The following PHF2 variants were observed in gnomAD, a reference collection of about 807,000 sequenced individuals.
The protein encoded by PHF2 is PHD finger protein 2.
Under a neutral mutation model 120.5 loss-of-function variants are expected in PHF2, and 27 were observed. The ratio of observed to expected loss-of-function variants is 0.22; its 90% CI spans 0.17 to 0.31. The LOEUF is 0.31. PHF2 is among the 10% of genes least tolerant of loss of function. PHF2 has a pLI of 1.00. For missense variants in PHF2, 1,024 were observed against 1,434.8 expected (o/e 0.71, Z 4.63); for synonymous variants, 568 against 592.5 (o/e 0.96, Z 0.60).
At chr9:93,659,156 C>T (rs1041276434) in intron 10 of PHF2, among the ~76,000 whole-genome samples, 2 of 152,242 alleles carry the variant, frequency 1.3e-5, no homozygotes, top group Admixed American at 1.3e-4. Flanking sequence ...GCAGCCACCA[C>T]CTCCGTCAGG....
At chr9:93,620,124 C>T (rs1165995348) in intron 1 of PHF2, among the ~76,000 whole-genome samples, 5 of 152,328 alleles carry the variant, frequency 3.3e-5, no homozygotes, top group East Asian at 3.9e-4. Context: ...GGGTGGGCTC[C>T]CGGGACAGAC....
chr9:93,604,528 G>A lies in PHF2; in HGVS notation c.99-25442G>A, dbSNP rs1263948013. 5.5e-4 allele frequency among the ~76,000 whole-genome samples: 83 copies of A among 150,838 alleles called. 2 individuals carry two copies. Among genetic ancestry groups the A allele is most frequent in the Admixed American group, 5.0e-3 (76 of 15,124 alleles). On this transcript the variant is annotated intron_variant, in intron 1 of 21. Transcript: ENST00000359246. ...CGCCCAGGCTGGAGTGCAGTGGCGCGATCTCGGCTCACTGCAAGCTCCGCC... is the reference window on the plus strand; with the variant it reads ...CGCCCAGGCTGGAGTGCAGTGGCGCAATCTCGGCTCACTGCAAGCTCCGCC...
chr9:93,656,077 A>G lies in PHF2; in HGVS notation c.1040+56A>G, dbSNP rs1029230375. On this transcript the variant is annotated intron_variant, in intron 8 of 21. Coordinates refer to ENST00000359246, the MANE Select transcript of PHF2 (RefSeq NM_005392.4). This position sits in a 1 kb window ranked among gnomAD's most constrained non-coding sequence, Gnocchi z 4.1. Reference sequence around the variant, plus strand: ...CTCCGCAGAGCAGCGTCCTCCCTCTAGCTGGGTCGGTGCTAGATGCCTTGG... The same window carrying G: ...CTCCGCAGAGCAGCGTCCTCCCTCTGGCTGGGTCGGTGCTAGATGCCTTGG... 6.1e-6 allele frequency: 9 copies of G among 1,471,118 alleles called. No homozygotes were observed. Among genetic ancestry groups the G allele is most frequent in the Non-Finnish European group, 7.5e-6 (8 of 1,069,894 alleles). The allele number at this position is 1,471,118 out of a possible 1,614,324, so 91.1% of individuals were successfully genotyped here.
intron 7 of PHF2, among the ~76,000 whole-genome samples, chr9:93,655,480 C>T (rs1457940211): frequency 3.9e-5 from 6 of 152,206 alleles, no homozygotes; most frequent in African/African-American, 1.2e-4. Flanking sequence ...GGACCAGTCC[C>T]AGCTGCGATG....
Position 93,660,463 on chromosome 9 carries a change from C to T in PHF2, c.1601C>T (p.Ser534Phe), listed in dbSNP as rs763623237. ...KDGGKKKGKK[S>F]RESASPTIPN... The stretch of plus-strand genomic sequence containing the variant: ...GGAGGCAAGAAGAAAGGGAAGAAGT[C>T]CCGGGAGTCAGCCTCACCCACCATC... The change falls in exon 12 of 22, where the codon TCC (serine) becomes TTC (phenylalanine). Residue 534 changes from serine to phenylalanine, a missense_variant. Coordinates refer to ENST00000359246, the MANE Select transcript of PHF2 (RefSeq NM_005392.4). 2 of 1,565,156 alleles carry T rather than the reference C, an allele frequency of 1.3e-6. No homozygotes were observed. Among genetic ancestry groups the T allele is most frequent in the Non-Finnish European group, 8.6e-7 (1 of 1,156,148 alleles).
chr9:93,592,618 G>A (rs888740759), intron 1 of PHF2, among the ~76,000 whole-genome samples: 3 of 152,158 alleles, frequency 2.0e-5, no homozygotes, highest in Non-Finnish European at 2.9e-5. Flanking sequence ...TCTTTCCCGA[G>A]CCAAAGCGTG....
chr9:93,669,451 G>C (rs1195878488), intron 17 of PHF2, among the ~76,000 whole-genome samples: 3 of 152,246 alleles, frequency 2.0e-5, no homozygotes. Context: ...CACTGTGGGG[G>C]CAGCTCCCGG....
intron 3 of PHF2, among the ~76,000 whole-genome samples, chr9:93,644,156 G>A (rs1387813629): frequency 1.6e-4 from 25 of 152,166 alleles, no homozygotes; most frequent in African/African-American, 2.4e-5. Flanking sequence ...GAAGGCCGAG[G>A]TGGGTGGATC....
chr9:93,661,681 AGATGAATG>A (rs938840064), intron 12 of PHF2, among the ~76,000 whole-genome samples: 21 of 151,142 alleles, frequency 1.4e-4, no homozygotes, highest in Middle Eastern at 3.4e-3. Context: ...ATGAATGGGT[AGATGAATG>A]GATGAATGGA....
chr9:93,611,428 AG>A, intron 1 of PHF2, among the ~76,000 whole-genome samples: 1 of 150,530 alleles, frequency 6.6e-6, no homozygotes. Context: ...AAAAAAAAAA[AG>A]AGTATTCTTT....
Position 93,656,685 on chromosome 9 carries a change from A to G in PHF2, c.1147+90A>G. 1 of 849,328 alleles carries G rather than the reference A, an allele frequency of 1.2e-6. No individual in the cohort carries two copies. Among genetic ancestry groups the G allele is most frequent in the African/African-American group, 1.7e-5 (1 of 59,848 alleles). The allele number at this position is 849,328 out of a possible 1,614,324, so 52.6% of individuals were successfully genotyped here. A position where few individuals can be genotyped will look rare whatever the true frequency, so the allele number is the denominator to read the frequency against. ...GGTCAGGGCTGACTGTCTGGGTGTG[A>G]GTGCCGCCTTCCTGTGGCCTGAGCA... is the stretch of plus-strand genomic sequence containing the variant. On this transcript the variant is annotated intron_variant, in intron 9 of 21. Transcript: ENST00000359246. This position sits in a 1 kb window ranked among gnomAD's most constrained non-coding sequence, Gnocchi z 4.1.
At chr9:93,601,658 G>A (rs192115674) in intron 1 of PHF2, among the ~76,000 whole-genome samples, 1 of 152,228 alleles carries the variant, frequency 6.6e-6, no homozygotes, top group Non-Finnish European at 1.5e-5. Context: ...TCAGTGTGCA[G>A]GGAGGGCCTC....
chr9:93,587,742 T>C (rs906647453), intron 1 of PHF2, among the ~76,000 whole-genome samples: 38 of 152,124 alleles, frequency 2.5e-4, no homozygotes, highest in African/African-American at 7.0e-4. Context: ...CTATTTGGTC[T>C]GGAGGTTCTC....
chr9:93,662,868 C>T, intron 12 of PHF2, 39 bp from the exon 13 acceptor site: 1 of 1,611,882 alleles, frequency 6.2e-7, no homozygotes, highest in Non-Finnish European at 8.5e-7. Flanking sequence ...CACCAGCCCT[C>T]TATGTCTGCC....
At chr9:93,635,149 T>A (rs1265431396) in intron 2 of PHF2, among the ~76,000 whole-genome samples, 1 of 152,214 alleles carries the variant, frequency 6.6e-6, no homozygotes, top group African/African-American at 2.4e-5. Context: ...GTTTCCATAA[T>A]GTCCACTTGA....
At chr9:93,629,874 G>A in intron 1 of PHF2, 96 bp from the exon 2 acceptor site, 3 of 1,225,954 alleles carry the variant, frequency 2.4e-6, no homozygotes, top group Non-Finnish European at 3.6e-6. Context: ...CAGGTTCCCA[G>A]ACAATGAGCA....
intron 1 of PHF2, among the ~76,000 whole-genome samples, chr9:93,620,897 A>T (rs1825814812): frequency 1.3e-5 from 2 of 152,230 alleles, no homozygotes; most frequent in African/African-American, 4.8e-5. Context: ...GTGTCGGCAA[A>T]CAGTCTCTTC....
intron 1 of PHF2, among the ~76,000 whole-genome samples, chr9:93,587,538 G>A (rs1033044594): frequency 1.3e-5 from 2 of 151,540 alleles, no homozygotes; most frequent in African/African-American, 4.9e-5. Flanking sequence ...GATAGTGGAT[G>A]GAGGAGCCCC....
intron 1 of PHF2, among the ~76,000 whole-genome samples, chr9:93,628,079 C>T (rs542637957): frequency 1.3e-5 from 2 of 152,298 alleles, no homozygotes; most frequent in Middle Eastern, 6.8e-3. Context: ...TGTACTGAAC[C>T]GTCCTTGCAT....
Sources: allele counts gnomAD v4.1 joint callset (sites outside exome capture counted in the v4.1 genomes callset), GRCh38; gene constraint gnomAD v4.1.1; non-coding constraint Gnocchi (gnomAD v3.1); transcripts MANE v1.5; gene names NCBI Gene and HGNC (gene_info 2026-07-23, HGNC 2026-07-21).